ST6GALNAC5: variants seen among roughly 807,000 people sequenced by gnomAD.
ST6GALNAC5 encodes the protein ST6 N-acetylgalactosaminide alpha-2,6-sialyltransferase 5, also known as alpha-N-acetylgalactosaminide alpha-2,6-sialyltransferase 5.
A neutral mutation model predicts 33.6 loss-of-function variants in ST6GALNAC5; 27 were observed. That is an observed-to-expected ratio of 0.80 (90% CI 0.59 to 1.11). The LOEUF (loss-of-function observed/expected upper bound fraction) is 1.11, where lower values mean the gene tolerates loss of function less well. Ranked by LOEUF, ST6GALNAC5 falls within the 50% of genes least tolerant of loss-of-function variation. ST6GALNAC5 has a pLI of 0.00. For missense variants in ST6GALNAC5, 428 were observed against 454.0 expected (o/e 0.94, Z 0.52); for synonymous variants, 194 against 171.2 (o/e 1.13, Z -1.04).
intron 2 of ST6GALNAC5, among the ~76,000 whole-genome samples, chr1:77,033,644 A>G (rs1291699726): frequency 6.6e-6 from 1 of 152,122 alleles, no homozygotes; most frequent in Non-Finnish European, 1.5e-5. Flanking sequence ...GGCAGTCAGG[A>G]AGGGCCTCCT....
At chr1:76,937,100 G>C (rs1043263600) in intron 2 of ST6GALNAC5, among the ~76,000 whole-genome samples, 1 of 151,860 alleles carries the variant, frequency 6.6e-6, no homozygotes, top group Non-Finnish European at 1.5e-5. Flanking sequence ...CAAGAGAGTG[G>C]TATGGGTGAT....
At chr1:76,925,161 A>G (rs1438934739) in intron 2 of ST6GALNAC5, among the ~76,000 whole-genome samples, 1 of 152,002 alleles carries the variant, frequency 6.6e-6, no homozygotes, top group Non-Finnish European at 1.5e-5. Context: ...TCATGAACTA[A>G]CAGCAAGAAT....
chr1:76,930,938 G>A (rs1381153649), intron 2 of ST6GALNAC5, among the ~76,000 whole-genome samples: 16 of 152,128 alleles, frequency 1.1e-4, no homozygotes, highest in Non-Finnish European at 2.4e-4. Context: ...ACACCCTTGC[G>A]TGGGACATTC....
intron 2 of ST6GALNAC5, among the ~76,000 whole-genome samples, chr1:76,878,580 G>A (rs1653703906): frequency 6.6e-6 from 1 of 152,156 alleles, no homozygotes; most frequent in African/African-American, 2.4e-5. Flanking sequence ...CCTGGGGAAA[G>A]GATGGGAAAA....
At chr1:76,994,152 G>A (rs903885930) in intron 2 of ST6GALNAC5, among the ~76,000 whole-genome samples, 1 of 152,162 alleles carries the variant, frequency 6.6e-6, no homozygotes, top group Non-Finnish European at 1.5e-5. Context: ...GTTGAATTAT[G>A]TTATAAAGCC....
intron 2 of ST6GALNAC5, among the ~76,000 whole-genome samples, chr1:77,011,008 G>T (rs1392062699): frequency 6.6e-6 from 1 of 152,200 alleles, no homozygotes; most frequent in Admixed American, 6.5e-5. Context: ...GACTAAAACC[G>T]TTGATCCTTT....
At chr1:77,002,646 C>G (rs984808645) in intron 2 of ST6GALNAC5, among the ~76,000 whole-genome samples, 2 of 150,920 alleles carry the variant, frequency 1.3e-5, no homozygotes, top group African/African-American at 4.9e-5. Flanking sequence ...AAATTTCCCT[C>G]TACACACTGC....
chr1:77,056,550 G>A (rs1464008758), intron 4 of ST6GALNAC5, among the ~76,000 whole-genome samples: 1 of 152,150 alleles, frequency 6.6e-6, no homozygotes, highest in Non-Finnish European at 1.5e-5. Flanking sequence ...ATGAATATCA[G>A]AGAGTTGATG....
At chr1:76,878,565 G>A (rs549260088) in intron 2 of ST6GALNAC5, among the ~76,000 whole-genome samples, 1 of 152,208 alleles carries the variant, frequency 6.6e-6, no homozygotes, top group African/African-American at 2.4e-5. Flanking sequence ...AAAGGCTGGC[G>A]ATCTCCTGGG....
intron 2 of ST6GALNAC5, among the ~76,000 whole-genome samples, chr1:76,964,120 C>T (rs1299386950): frequency 1.3e-5 from 2 of 152,088 alleles, no homozygotes; most frequent in African/African-American, 4.8e-5. Context: ...GTGAGGCCTG[C>T]TTTGGACTTG....
intron 2 of ST6GALNAC5, among the ~76,000 whole-genome samples, chr1:77,004,850 C>T (rs1296548853): frequency 7.5e-6 from 1 of 134,034 alleles, no homozygotes; most frequent in East Asian, 2.4e-4. Flanking sequence ...TCTGCCCGTT[C>T]TCAGATCTCC....
Position 77,063,338 on chromosome 1 carries a change from C to T in ST6GALNAC5, c.*132C>T, listed in dbSNP as rs561408004. On this transcript the variant is annotated 3_prime_UTR_variant, in exon 5 of 5. Transcript: ENST00000477717. ...CTCCTCAGGAAGTACCATGGACAGA[C>T]GCCTACCAGGGGTGACAAAGCAGTG... 6.7e-5 allele frequency: 51 copies of T among 758,062 alleles called. No individual in the cohort carries two copies. Among genetic ancestry groups the T allele is most frequent in the African/African-American group, 3.2e-4 (18 of 56,670 alleles). 47.0% of individuals were successfully genotyped at this position (758,062 alleles called of 1,614,324 possible).
chr1:76,953,942 T>G (rs1647850062), intron 2 of ST6GALNAC5, among the ~76,000 whole-genome samples: 1 of 152,164 alleles, frequency 6.6e-6, no homozygotes, highest in Non-Finnish European at 1.5e-5. Context: ...TTAATATAAT[T>G]CATTTCATTA....
chr1:77,004,746 T>G (rs1255905661), intron 2 of ST6GALNAC5, among the ~76,000 whole-genome samples: 1 of 124,076 alleles, frequency 8.1e-6, no homozygotes, highest in African/African-American at 2.5e-5. Flanking sequence ...TGGAATACCC[T>G]GCCGTGTGAG....
At chr1:76,885,601 T>C (rs546152770) in intron 2 of ST6GALNAC5, among the ~76,000 whole-genome samples, 1 of 152,370 alleles carries the variant, frequency 6.6e-6, no homozygotes, top group African/African-American at 2.4e-5. Context: ...AGACTTATCT[T>C]GTTTAATAGT....
chr1:76,956,125 ACT>A (rs1487546454), intron 2 of ST6GALNAC5, among the ~76,000 whole-genome samples: 5 of 152,174 alleles, frequency 3.3e-5, no homozygotes, highest in Non-Finnish European at 5.9e-5. Context: ...CTGTAATGTT[ACT>A]GTTAGGAGTC....
At chr1:77,041,040 C>T (rs1295841499) in intron 2 of ST6GALNAC5, among the ~76,000 whole-genome samples, 1 of 152,228 alleles carries the variant, frequency 6.6e-6, no homozygotes, top group Non-Finnish European at 1.5e-5. Context: ...AATCCGACCA[C>T]GATCACACTC....
At chr1:77,046,870 G>A (rs537528794) in intron 3 of ST6GALNAC5, among the ~76,000 whole-genome samples, 1 of 152,196 alleles carries the variant, frequency 6.6e-6, no homozygotes, top group East Asian at 1.9e-4. Context: ...ACATTGTTCT[G>A]GACTCCTTGA....
intron 2 of ST6GALNAC5, among the ~76,000 whole-genome samples, chr1:76,920,481 T>C (rs1436647522): frequency 6.6e-6 from 1 of 152,208 alleles, no homozygotes; most frequent in Non-Finnish European, 1.5e-5. Context: ...ATATAATGTC[T>C]GACACTAAAT....
Sources: gnomAD v4.1 joint callset for allele counts (sites outside exome capture counted in the v4.1 genomes callset) on GRCh38, gnomAD v4.1.1 for gene constraint, MANE v1.5 for transcripts, NCBI Gene and HGNC (gene_info 2026-07-23, HGNC 2026-07-21) for gene names.